Variants in TMEM163 observed in about 807,000 individuals in gnomAD.
TMEM163 encodes the protein transmembrane protein 163.
A neutral mutation model predicts 29.3 loss-of-function variants in TMEM163; 17 were observed. That is an observed-to-expected ratio of 0.58 (90% CI 0.40 to 0.87). The LOEUF is 0.87. Among genes scored for constraint, TMEM163 ranks in the 40% least tolerant of loss-of-function variants. The pLI, the probability that TMEM163 is intolerant of heterozygous loss-of-function variation, is 0.00. For missense variants in TMEM163, 303 were observed against 381.5 expected (o/e 0.79, Z 1.71); for synonymous variants, 157 against 160.6 (o/e 0.98, Z 0.17).
At chr2:134,534,795 T>C (rs1680495411) in intron 4 of TMEM163, among the ~76,000 whole-genome samples, 1 of 152,166 alleles carries the variant, frequency 6.6e-6, no homozygotes, top group Admixed American at 6.5e-5. Context: ...TGAATCTTTA[T>C]TCTACTTAGA....
chr2:134,705,730 G>A (rs1471450711), intron 2 of TMEM163, among the ~76,000 whole-genome samples: 1 of 152,152 alleles, frequency 6.6e-6, no homozygotes, highest in Non-Finnish European at 1.5e-5. Context: ...AATTCCTAGA[G>A]GACCAAATTA....
Position 134,520,420 on chromosome 2 carries a change from G to A in TMEM163, c.459-17423C>T, listed in dbSNP as rs544265239. On this transcript the variant is annotated intron_variant, in intron 4 of 7. Coordinates refer to ENST00000281924, the MANE Select transcript of TMEM163 (RefSeq NM_030923.5). ...CGGAACCTGTGTCTGGCTACTTACA[G>A]CACCAGCAACCTAGCAGGGTATGAC... 3.3e-5 allele frequency among the ~76,000 whole-genome samples: 5 copies of A among 152,302 alleles called. No homozygotes were observed. The East Asian group carries it at 9.7e-4, about 29-fold the overall frequency.
At chr2:134,596,013 C>T (rs1682071899) in intron 2 of TMEM163, among the ~76,000 whole-genome samples, 1 of 152,106 alleles carries the variant, frequency 6.6e-6, no homozygotes, top group Admixed American at 6.5e-5. Context: ...TGGATATTAG[C>T]CCTTTGTCAG....
chr2:134,676,055 C>T (rs1684106395), intron 2 of TMEM163, among the ~76,000 whole-genome samples: 1 of 152,136 alleles, frequency 6.6e-6, no homozygotes, highest in African/African-American at 2.4e-5. Flanking sequence ...GTAAAACTGA[C>T]CTGCGACATA....
intron 2 of TMEM163, among the ~76,000 whole-genome samples, chr2:134,638,368 T>C (rs1683152729): frequency 6.6e-6 from 1 of 152,150 alleles, no homozygotes; most frequent in Non-Finnish European, 1.5e-5. Flanking sequence ...AGATAAATCC[T>C]AGTAGAAGTG....
chr2:134,571,452 A>G (rs994845084), intron 2 of TMEM163, among the ~76,000 whole-genome samples: 3 of 152,218 alleles, frequency 2.0e-5, no homozygotes, highest in Non-Finnish European at 4.4e-5. Flanking sequence ...CCTGAAATAC[A>G]GAAATAATTT....
At chr2:134,533,366 C>T (rs573197074) in intron 4 of TMEM163, among the ~76,000 whole-genome samples, 15 of 151,638 alleles carry the variant, frequency 9.9e-5, no homozygotes, top group South Asian at 2.1e-4. Context: ...TGTGTGTGCA[C>T]GTGCACACGT....
Position 134,656,223 on chromosome 2 carries a change from G to A in TMEM163, c.322+56977C>T, listed in dbSNP as rs370474294. Among the ~76,000 whole-genome samples the A allele has an allele frequency of 4.1e-5, 6 of 147,366 alleles. No individual in the cohort carries two copies. In the East Asian group the frequency reaches 5.8e-4, roughly 14 times the overall value. On this transcript the variant is annotated intron_variant, in intron 2 of 7. Transcript: ENST00000281924. ...AGACTCCGTGGGCGTAGGACCCTCC[G>A]AGCCAGGTGTGGGATATAATCTCAT...
chr2:134,490,430 G>A (rs1169259064), intron 5 of TMEM163, among the ~76,000 whole-genome samples: 9 of 152,078 alleles, frequency 5.9e-5, no homozygotes, highest in African/African-American at 1.9e-4. Context: ...GAACACAACT[G>A]ACCTTCACAA....
chr2:134,689,502 C>T (rs1684416732), intron 2 of TMEM163, among the ~76,000 whole-genome samples: 1 of 152,156 alleles, frequency 6.6e-6, no homozygotes, highest in Admixed American at 6.5e-5. Flanking sequence ...GCTCACTTCC[C>T]CAAATGACTA....
chr2:134,502,762 C>A (rs1273752997), intron 5 of TMEM163, 139 bp downstream of exon 5: 15 of 660,338 alleles, frequency 2.3e-5, no homozygotes, highest in Non-Finnish European at 3.3e-5. Flanking sequence ...TGCATCCCTG[C>A]AACAAGTTCT....
chr2:134,714,105 A>G (rs1421138650), intron 1 of TMEM163, among the ~76,000 whole-genome samples: 1 of 152,210 alleles, frequency 6.6e-6, no homozygotes, highest in Non-Finnish European at 1.5e-5. Flanking sequence ...ACAGAAATTC[A>G]TAACAACTCC....
intron 5 of TMEM163, among the ~76,000 whole-genome samples, chr2:134,492,468 G>A (rs147718295): frequency 1.4e-3 from 206 of 152,082 alleles, no homozygotes; most frequent in African/African-American, 4.6e-3. Flanking sequence ...GACTATTTCC[G>A]TCACCCCCAA....
chr2:134,635,452 C>A (rs557694288), intron 2 of TMEM163, among the ~76,000 whole-genome samples: 2 of 152,124 alleles, frequency 1.3e-5, no homozygotes, highest in Admixed American at 1.3e-4. Flanking sequence ...AGTTGAGTTA[C>A]CATTTGAGGT....
chr2:134,475,207 T>G (rs615971), intron 5 of TMEM163, among the ~76,000 whole-genome samples: 98,713 of 151,988 alleles, frequency 0.65, 35,141 homozygotes, highest in East Asian at 0.98. Flanking sequence ...CTAGAAATCA[T>G]CCCACTCTCA....
intron 2 of TMEM163, among the ~76,000 whole-genome samples, chr2:134,588,627 G>A (rs191545104): frequency 6.6e-6 from 1 of 152,222 alleles, no homozygotes; most frequent in East Asian, 1.9e-4. Flanking sequence ...TTTATTAGAT[G>A]CCTGCTCTAT....
chr2:134,572,943 A>T (rs948578632), intron 2 of TMEM163, among the ~76,000 whole-genome samples: 10 of 152,194 alleles, frequency 6.6e-5, no homozygotes, highest in African/African-American at 2.2e-4. Context: ...GTTACCCAGA[A>T]GTACAACACG....
chr2:134,570,130 A>T (rs889493661), intron 2 of TMEM163, among the ~76,000 whole-genome samples: 12 of 152,258 alleles, frequency 7.9e-5, no homozygotes, highest in Middle Eastern at 3.4e-3. Context: ...GCTTCCTTTA[A>T]GTGAAAAGGT....
chr2:134,460,957 G>A lies in TMEM163; in HGVS notation c.668-2784C>T, dbSNP rs7599371. Among the ~76,000 whole-genome samples the A allele has an allele frequency of 6.6e-6, 1 of 152,126 alleles. No homozygotes were observed. Among genetic ancestry groups the A allele is most frequent in the Non-Finnish European group, 1.5e-5 (1 of 68,034 alleles). ...ACTTCTTGAGAGTCTGCCTGAGGAT[G>A]CTGGATCAAGCACACAGGGACTAGG... On this transcript the variant is annotated intron_variant, in intron 6 of 7. Transcript: ENST00000281924. This position sits in a 1 kb window ranked among gnomAD's most constrained non-coding sequence, Gnocchi z 4.3.
Sources: gnomAD v4.1 joint callset for allele counts (sites outside exome capture counted in the v4.1 genomes callset) on GRCh38, gnomAD v4.1.1 for gene constraint, Gnocchi (gnomAD v3.1) non-coding constraint, MANE v1.5 for transcripts, NCBI Gene and HGNC (gene_info 2026-07-23, HGNC 2026-07-21) for gene names.